Variants in AUH observed in about 807,000 individuals in gnomAD.
AUH encodes AU RNA binding methylglutaconyl-CoA hydratase.
A neutral mutation model predicts 42.3 loss-of-function variants in AUH; 29 were observed. The observed-to-expected ratio is 0.69, with a 90% confidence interval of 0.51 to 0.93. AUH has a LOEUF of 0.93. Ranked by LOEUF, AUH falls within the 40% of genes least tolerant of loss-of-function variation. The pLI, the probability that AUH is intolerant of heterozygous loss-of-function variation, is 0.00. For missense variants in AUH, 452 were observed against 438.1 expected (o/e 1.03, Z -0.28); for synonymous variants, 174 against 166.4 (o/e 1.05, Z -0.35).
chr9:91,276,050 G>A (rs1825511766), intron 6 of AUH, among the ~76,000 whole-genome samples: 4 of 152,074 alleles, frequency 2.6e-5, no homozygotes, highest in Admixed American at 2.6e-4. Flanking sequence ...AATAACCAGA[G>A]CCAATATCAA....
chr9:91,252,163 C>T (rs1272692870), intron 6 of AUH, among the ~76,000 whole-genome samples: 1 of 152,058 alleles, frequency 6.6e-6, no homozygotes, highest in Admixed American at 6.6e-5. Context: ...GACAGGGTTT[C>T]ACCATCTTGG....
At chr9:91,344,684 C>T (rs1831354745) in intron 3 of AUH, among the ~76,000 whole-genome samples, 1 of 152,122 alleles carries the variant, frequency 6.6e-6, no homozygotes, top group Non-Finnish European at 1.5e-5. Context: ...ACTATGCAAA[C>T]TTGTTCAGGG....
chr9:91,341,190 C>T lies in AUH; in HGVS notation c.418+14693G>A, dbSNP rs542973546. 2.1e-4 allele frequency among the ~76,000 whole-genome samples: 32 copies of T among 152,296 alleles called. No homozygotes were observed. In the East Asian group the frequency reaches 6.2e-3, roughly 29 times the overall value. On this transcript the variant is annotated intron_variant, in intron 3 of 9. Transcript: ENST00000375731. ...GAGGGGTCTCCTGCAGGAAGGACCC[C>T]TTCCAGCCTCCCACTGCCCACAATG...
chr9:91,268,688 C>T (rs1372974858), intron 6 of AUH, among the ~76,000 whole-genome samples: 2 of 152,092 alleles, frequency 1.3e-5, no homozygotes, highest in Admixed American at 6.5e-5. Context: ...CCTCAGCCTC[C>T]GAAAGTGCTA....
At chr9:91,281,185 C>T (rs964493253) in intron 6 of AUH, among the ~76,000 whole-genome samples, 2 of 152,238 alleles carry the variant, frequency 1.3e-5, no homozygotes, top group Middle Eastern at 3.4e-3. Context: ...CAGGTTCCTA[C>T]GGTTCAGTTC....
At chr9:91,275,544 A>C (rs916394785) in intron 6 of AUH, among the ~76,000 whole-genome samples, 1 of 152,206 alleles carries the variant, frequency 6.6e-6, no homozygotes, top group African/African-American at 2.4e-5. Context: ...GCAAAAGTAC[A>C]GTTAGATAAT....
intron 6 of AUH, among the ~76,000 whole-genome samples, chr9:91,275,171 C>A (rs1006235381): frequency 6.6e-6 from 1 of 152,176 alleles, no homozygotes; most frequent in East Asian, 1.9e-4. Context: ...TGCATGACCA[C>A]TCTTGCACTT....
intron 6 of AUH, among the ~76,000 whole-genome samples, chr9:91,255,176 G>C (rs1227840539): frequency 6.6e-6 from 1 of 152,152 alleles, no homozygotes; most frequent in Non-Finnish European, 1.5e-5. Flanking sequence ...ATTAGTATCA[G>C]AGCAAACTAG....
intron 3 of AUH, among the ~76,000 whole-genome samples, chr9:91,328,565 A>G (rs1444874596): frequency 6.6e-6 from 1 of 152,174 alleles, no homozygotes; most frequent in Non-Finnish European, 1.5e-5. Context: ...AATCTCCTGG[A>G]AGTGGGGAGA....
At chr9:91,310,684 G>A (rs946031289) in intron 4 of AUH, among the ~76,000 whole-genome samples, 3 of 152,182 alleles carry the variant, frequency 2.0e-5, no homozygotes, top group Non-Finnish European at 2.9e-5. Context: ...ATGTTAAACT[G>A]AGCAGATCTT....
At chr9:91,337,586 G>A (rs1343556541) in intron 3 of AUH, among the ~76,000 whole-genome samples, 1 of 152,182 alleles carries the variant, frequency 6.6e-6, no homozygotes, top group Admixed American at 6.5e-5. Context: ...ATGGGGCCCA[G>A]AACTGAAGTT....
chr9:91,339,730 T>C (rs1460819901), intron 3 of AUH, among the ~76,000 whole-genome samples: 1 of 152,206 alleles, frequency 6.6e-6, no homozygotes, highest in Non-Finnish European at 1.5e-5. Context: ...GTGGCTGCAA[T>C]GGAGTAACTG....
rs556423752 is a variant in AUH, at chr9:91,314,302, C to T, written c.505+11016G>A. The stretch of plus-strand genomic sequence containing the variant: ...GGAGGATCACTTGAGTCAAGGAGTT[C>T]GAAACCAGTCTGGGAAACATGACGA... On this transcript the variant is annotated intron_variant, in intron 4 of 9. Coordinates refer to ENST00000375731, the MANE Select transcript of AUH (RefSeq NM_001698.3). 8.6e-5 allele frequency among the ~76,000 whole-genome samples: 13 copies of T among 151,900 alleles called. No individual in the cohort carries two copies. The South Asian group carries it at 2.5e-3, about 29-fold the overall frequency.
At chr9:91,284,781 C>A (rs1177958873) in intron 6 of AUH, among the ~76,000 whole-genome samples, 2 of 152,052 alleles carry the variant, frequency 1.3e-5, no homozygotes, top group Non-Finnish European at 2.9e-5. Flanking sequence ...CACCAGTTAA[C>A]ATGGTGATTA....
At chr9:91,309,461 A>G (rs534425486) in intron 4 of AUH, among the ~76,000 whole-genome samples, 24 of 152,274 alleles carry the variant, frequency 1.6e-4, no homozygotes, top group African/African-American at 5.5e-4. Flanking sequence ...GTATATATAC[A>G]CCATGGAATA....
chr9:91,328,979 T>C (rs1396218837), intron 3 of AUH, among the ~76,000 whole-genome samples: 2 of 152,218 alleles, frequency 1.3e-5, no homozygotes, highest in Non-Finnish European at 2.9e-5. Context: ...TTCCTAAGAA[T>C]TGGTCTTTTC....
At chr9:91,340,353 A>G (rs913801539) in intron 3 of AUH, among the ~76,000 whole-genome samples, 1 of 152,262 alleles carries the variant, frequency 6.6e-6, no homozygotes, top group African/African-American at 2.4e-5. Flanking sequence ...ACAGTCACAA[A>G]AAGGTAACAA....
chr9:91,227,143 AG>A (rs1270690353), intron 6 of AUH, among the ~76,000 whole-genome samples: 1 of 150,652 alleles, frequency 6.6e-6, no homozygotes, highest in African/African-American at 2.4e-5. Context: ...TACCTTGGGC[AG>A]TATGGCCATT....
intron 6 of AUH, among the ~76,000 whole-genome samples, chr9:91,256,818 A>G (rs1829427890): frequency 6.6e-6 from 1 of 152,088 alleles, no homozygotes; most frequent in Non-Finnish European, 1.5e-5. Context: ...TCTCTCCTCA[A>G]CATCATGGAA....
Sources: allele counts gnomAD v4.1 joint callset (sites outside exome capture counted in the v4.1 genomes callset), GRCh38; gene constraint gnomAD v4.1.1; transcripts MANE v1.5; gene names NCBI Gene and HGNC (gene_info 2026-07-23, HGNC 2026-07-21).